The following CELF4 variants were observed in gnomAD, a reference collection of about 807,000 sequenced individuals.
CELF4 encodes the protein CUGBP Elav-like family member 4.
In CELF4, 18 loss-of-function variants were observed where a neutral mutation model predicts 59.9. The ratio of observed to expected loss-of-function variants is 0.30; its 90% CI spans 0.21 to 0.45. The LOEUF (loss-of-function observed/expected upper bound fraction) is 0.45. Ranked by LOEUF, CELF4 falls within the 20% of genes least tolerant of loss-of-function variation. The probability of loss-of-function intolerance (pLI) is 1.00; values close to 1 mark genes in which losing one functional copy is unlikely to be tolerated. For missense variants in CELF4, 456 were observed against 689.0 expected (o/e 0.66, Z 3.79); for synonymous variants, 261 against 267.1 (o/e 0.98, Z 0.22).
At chr18:37,452,216 T>C (rs867757496) in intron 2 of CELF4, among the ~76,000 whole-genome samples, 2 of 152,110 alleles carry the variant, frequency 1.3e-5, no homozygotes, top group Non-Finnish European at 2.9e-5. Context: ...GCAGCAGGAG[T>C]AATAACAGCT....
At chr18:37,485,771 C>A in intron 1 of CELF4, 164 bp from the exon 2 acceptor site, 1 of 397,044 alleles carries the variant, frequency 2.5e-6, no homozygotes, top group South Asian at 1.3e-4. Context: ...CTCTGCCTCT[C>A]GGTGTTCCCG....
At chr18:37,497,736 C>G (rs911387865) in intron 1 of CELF4, among the ~76,000 whole-genome samples, 1 of 151,966 alleles carries the variant, frequency 6.6e-6, no homozygotes, top group Non-Finnish European at 1.5e-5. Flanking sequence ...ACATACCTAT[C>G]AAGCCAAAGT....
chr18:37,560,087 G>T (rs189512261), intron 1 of CELF4, among the ~76,000 whole-genome samples: 1 of 152,216 alleles, frequency 6.6e-6, no homozygotes, highest in Non-Finnish European at 1.5e-5. Context: ...TACCAAGGGG[G>T]TTATTTCAAC....
At chr18:37,314,249 C>T (rs2096780163) in intron 3 of CELF4, among the ~76,000 whole-genome samples, 1 of 152,176 alleles carries the variant, frequency 6.6e-6, no homozygotes, top group African/African-American at 2.4e-5. Context: ...GAGTTCAAGA[C>T]CAGCCTGGCC....
chr18:37,348,252 C>T (rs1041137163), intron 2 of CELF4, among the ~76,000 whole-genome samples: 15 of 152,316 alleles, frequency 9.8e-5, no homozygotes, highest in African/African-American at 3.4e-4. Flanking sequence ...GGGTCAAATG[C>T]CCTTCACGTG....
intron 1 of CELF4, among the ~76,000 whole-genome samples, chr18:37,560,566 T>A (rs2154606274): frequency 6.6e-6 from 1 of 152,362 alleles, no homozygotes; most frequent in Middle Eastern, 3.4e-3. Context: ...GTCTTCCCTG[T>A]CTCTGACAAG....
chr18:37,263,370 C>T (rs2075865000), intron 10 of CELF4, among the ~76,000 whole-genome samples: 1 of 152,148 alleles, frequency 6.6e-6, no homozygotes, highest in Non-Finnish European at 1.5e-5. Context: ...AGGCTCTTTC[C>T]AGGACTAACC....
intron 2 of CELF4, among the ~76,000 whole-genome samples, chr18:37,459,146 T>C (rs1389744644): frequency 1.3e-5 from 2 of 152,154 alleles, no homozygotes; most frequent in African/African-American, 4.8e-5. Flanking sequence ...ACCTGCCTTG[T>C]GGTGAATTTT....
Position 37,565,551 on chromosome 18 carries a change from C to T in CELF4, c.91G>A (p.Gly31Arg). The T allele has an allele frequency of 6.2e-7, 1 of 1,614,116 alleles. No individual in the cohort carries two copies. The highest frequency in any genetic ancestry group is 8.5e-7 in the Non-Finnish European group (1 of 1,179,998). ...NGLGSSPGSAGHMNGLSHSPG... is the reference protein window; with the variant it reads ...NGLGSSPGSARHMNGLSHSPG... ...CTGTGGCTTAATCCGTTCATGTGCC[C>T]GGCACTGCCCGGGCTGCTGCCGAGC... is the stretch of plus-strand genomic sequence containing the variant. The change falls in exon 1 of 13, where the codon GGG becomes AGG. Residue 31 changes from glycine to arginine, a missense_variant. Gly to Arg is a moderately radical substitution (Grantham distance 125). Transcript: ENST00000420428.
At chr18:37,511,219 C>G (rs2154604296) in intron 1 of CELF4, among the ~76,000 whole-genome samples, 1 of 152,332 alleles carries the variant, frequency 6.6e-6, no homozygotes, top group African/African-American at 2.4e-5. Flanking sequence ...CTCACCCATC[C>G]TGCCACAGGT....
At chr18:37,553,311 G>A (rs2099983805) in intron 1 of CELF4, among the ~76,000 whole-genome samples, 1 of 152,166 alleles carries the variant, frequency 6.6e-6, no homozygotes, top group Admixed American at 6.5e-5. Flanking sequence ...CTGGACCGGG[G>A]TGGTGAGTGT....
At chr18:37,264,813 GAAGA>G in intron 9 of CELF4, 56 bp from the exon 10 acceptor site, 1 of 1,415,208 alleles carries the variant, frequency 7.1e-7, no homozygotes, top group Non-Finnish European at 9.7e-7. Context: ...GTGGAAGCAG[GAAGA>G]AAGAGAGAGA....
At chr18:37,344,872 C>G (rs1002656201) in intron 2 of CELF4, among the ~76,000 whole-genome samples, 1 of 152,180 alleles carries the variant, frequency 6.6e-6, no homozygotes, top group South Asian at 2.1e-4. Flanking sequence ...ATTTCATCCC[C>G]CTAGAGATGC....
chr18:37,333,134 G>A (rs1312031938), intron 2 of CELF4, among the ~76,000 whole-genome samples: 1 of 152,206 alleles, frequency 6.6e-6, no homozygotes, highest in Non-Finnish European at 1.5e-5. Context: ...CCTGGATTTC[G>A]GTCTTAGCTC....
intron 2 of CELF4, among the ~76,000 whole-genome samples, chr18:37,411,456 T>C (rs1220694108): frequency 6.6e-6 from 1 of 152,074 alleles, no homozygotes; most frequent in Non-Finnish European, 1.5e-5. Context: ...TATCTGTGTA[T>C]GTGTGTGTGC....
intron 2 of CELF4, among the ~76,000 whole-genome samples, chr18:37,333,022 C>G (rs941264158): frequency 6.6e-6 from 1 of 152,198 alleles, no homozygotes; most frequent in African/African-American, 2.4e-5. Flanking sequence ...TCGGCTGGGT[C>G]GCTAACCCTC....
chr18:37,307,972 C>A (rs1049803879), intron 3 of CELF4, among the ~76,000 whole-genome samples: 4 of 152,086 alleles, frequency 2.6e-5, no homozygotes, highest in Non-Finnish European at 4.4e-5. Context: ...GATAGACATG[C>A]GCCTGAAAGT....
intron 1 of CELF4, among the ~76,000 whole-genome samples, chr18:37,545,527 G>A (rs73947553): frequency 0.012 from 1,849 of 152,278 alleles, 31 homozygotes; most frequent in African/African-American, 0.042. Context: ...TGGACAGAAG[G>A]ACAGGCCCAG....
intron 3 of CELF4, among the ~76,000 whole-genome samples, chr18:37,294,398 T>C (rs7232948): frequency 0.48 from 72,902 of 151,994 alleles, 17,900 homozygotes; most frequent in South Asian, 0.62. Flanking sequence ...TCTGAGTTAC[T>C]CTGGGCAACT....
Sources: allele counts gnomAD v4.1 joint callset (sites outside exome capture counted in the v4.1 genomes callset), GRCh38; gene constraint gnomAD v4.1.1; transcripts MANE v1.5; gene names NCBI Gene and HGNC (gene_info 2026-07-23, HGNC 2026-07-21).